Variants in GABRB1 observed in about 807,000 individuals in gnomAD.
GABRB1 encodes gamma-aminobutyric acid type A receptor subunit beta1, also known as gamma-aminobutyric acid receptor subunit beta-1.
In GABRB1, 17 loss-of-function variants were observed where a neutral mutation model predicts 51.6. The observed-to-expected ratio is 0.33, with a 90% CI of 0.23 to 0.49. The LOEUF is 0.49. Ranked by LOEUF, GABRB1 falls within the 20% of genes least tolerant of loss-of-function variation. The probability of loss-of-function intolerance (pLI) is 0.99; values close to 1 mark genes in which losing one functional copy is unlikely to be tolerated. For missense variants in GABRB1, 410 were observed against 600.6 expected (o/e 0.68, Z 3.32); for synonymous variants, 247 against 218.9 (o/e 1.13, Z -1.14).
At chr4:47,101,418 T>G (rs1038921431) in intron 3 of GABRB1, among the ~76,000 whole-genome samples, 31 of 152,070 alleles carry the variant, frequency 2.0e-4, no homozygotes, top group African/African-American at 7.0e-4. Context: ...GAGAGAAATT[T>G]TATTTAGAAG....
At position 47,279,855 on chromosome 4, in the gene GABRB1, T is replaced by C. The variant is rs369647922; in HGVS notation, c.462-40272T>C. On this transcript the variant is annotated intron_variant, in intron 4 of 8. Coordinates refer to ENST00000295454, the MANE Select transcript of GABRB1 (RefSeq NM_000812.4). ...CTGAATATAGTTTGGTCTTTTTTTT[T>C]TTTTAAATTCATTCAGTCACTCCTT... 1.1e-4 allele frequency among the ~76,000 whole-genome samples: 16 copies of C among 152,138 alleles called. No individual in the cohort carries two copies. In the South Asian group the frequency reaches 3.1e-3, roughly 30 times the overall value.
At chr4:47,360,669 T>A (rs772156650) in intron 5 of GABRB1, among the ~76,000 whole-genome samples, 11 of 152,120 alleles carry the variant, frequency 7.2e-5, no homozygotes, top group African/African-American at 9.7e-5. Flanking sequence ...ATGTAAAATC[T>A]CTATTATTAC....
intron 5 of GABRB1, among the ~76,000 whole-genome samples, chr4:47,326,984 C>A (rs55842104): frequency 0.15 from 23,336 of 152,070 alleles, 2,153 homozygotes; most frequent in Non-Finnish European, 0.21. Flanking sequence ...TAGTCTAGTA[C>A]CTGAAAATAA....
chr4:47,062,027 C>T (rs891145098), intron 3 of GABRB1, among the ~76,000 whole-genome samples: 2 of 152,104 alleles, frequency 1.3e-5, no homozygotes, highest in Non-Finnish European at 2.9e-5. Flanking sequence ...AAGCTTATTG[C>T]ATTATTTAGT....
chr4:47,240,010 G>A (rs1425484448), intron 4 of GABRB1, among the ~76,000 whole-genome samples: 1 of 152,188 alleles, frequency 6.6e-6, no homozygotes, highest in Non-Finnish European at 1.5e-5. Flanking sequence ...AGCAGCAGCA[G>A]CTCAGTTTCC....
chr4:47,146,229 A>T (rs1717164943), intron 3 of GABRB1, among the ~76,000 whole-genome samples: 1 of 152,084 alleles, frequency 6.6e-6, no homozygotes, highest in Admixed American at 6.6e-5. Context: ...AAGCAAGTCA[A>T]AAAGACAGGG....
intron 3 of GABRB1, among the ~76,000 whole-genome samples, chr4:47,077,105 C>T (rs1268343776): frequency 6.6e-6 from 1 of 152,148 alleles, no homozygotes; most frequent in Admixed American, 6.5e-5. Context: ...TTACTGCATG[C>T]CCCCAGCAAA....
At chr4:47,159,258 G>A (rs1013567781) in intron 3 of GABRB1, among the ~76,000 whole-genome samples, 2 of 151,986 alleles carry the variant, frequency 1.3e-5, no homozygotes, top group African/African-American at 4.8e-5. Flanking sequence ...CTCCAGCCAG[G>A]ATGGCCAAGT....
At chr4:47,227,793 G>T (rs1720999288) in intron 4 of GABRB1, among the ~76,000 whole-genome samples, 1 of 152,120 alleles carries the variant, frequency 6.6e-6, no homozygotes, top group South Asian at 2.1e-4. Flanking sequence ...ACATTAAGGT[G>T]TCAGCAGGTT....
intron 1 of GABRB1, among the ~76,000 whole-genome samples, chr4:47,019,226 A>G (rs780170254): frequency 3.3e-5 from 5 of 151,968 alleles, no homozygotes; most frequent in Non-Finnish European, 5.9e-5. Context: ...CTTTTCCTAG[A>G]TGCTTGGCTC....
intron 4 of GABRB1, among the ~76,000 whole-genome samples, chr4:47,258,676 G>T (rs148323970): frequency 6.6e-6 from 1 of 152,062 alleles, no homozygotes; most frequent in East Asian, 1.9e-4. Flanking sequence ...ATTTCCTACC[G>T]AATTACAATA....
chr4:47,018,003 A>G (rs1029665722), intron 1 of GABRB1, among the ~76,000 whole-genome samples: 13 of 152,002 alleles, frequency 8.6e-5, no homozygotes, highest in African/African-American at 2.7e-4. Context: ...CTGCTTTAAA[A>G]TAAGTTTTCT....
intron 3 of GABRB1, among the ~76,000 whole-genome samples, chr4:47,044,644 T>G (rs1169899030): frequency 2.0e-5 from 3 of 152,106 alleles, no homozygotes; most frequent in Non-Finnish European, 4.4e-5. Flanking sequence ...GCTGGTATTT[T>G]TTATTTCATA....
upstream of GABRB1, chr4:47,031,516 A>T: frequency 2.9e-6 from 2 of 692,404 alleles, no homozygotes; most frequent in Non-Finnish European, 5.1e-6. Context: ...ATTGTTTGCA[A>T]GGCACAAGGT....
At chr4:47,051,039 G>C (rs1188863177) in intron 3 of GABRB1, among the ~76,000 whole-genome samples, 1 of 152,092 alleles carries the variant, frequency 6.6e-6, no homozygotes, top group Non-Finnish European at 1.5e-5. Context: ...CAAGAAAAAT[G>C]CCATTAAAAC....
intron 4 of GABRB1, among the ~76,000 whole-genome samples, chr4:47,215,560 T>A (rs550907302): frequency 1.6e-4 from 25 of 151,980 alleles, no homozygotes; most frequent in African/African-American, 6.0e-4. Context: ...ATACCCTCAG[T>A]CAGTAAAAAA....
At chr4:47,116,411 G>A (rs915248770) in intron 3 of GABRB1, among the ~76,000 whole-genome samples, 2 of 152,158 alleles carry the variant, frequency 1.3e-5, no homozygotes, top group Non-Finnish European at 2.9e-5. Flanking sequence ...TGGCAAAGAT[G>A]TGTAAAAACC....
intron 4 of GABRB1, among the ~76,000 whole-genome samples, chr4:47,175,886 T>C (rs760053730): frequency 3.3e-5 from 5 of 152,154 alleles, no homozygotes; most frequent in Non-Finnish European, 7.4e-5. Flanking sequence ...GGCCACTTGT[T>C]TAAATATTCA....
At chr4:47,270,307 G>C (rs1470890938) in intron 4 of GABRB1, among the ~76,000 whole-genome samples, 2 of 152,130 alleles carry the variant, frequency 1.3e-5, no homozygotes, top group African/African-American at 4.8e-5. Context: ...CTGCCTATTA[G>C]TAAGTGAGTT....
Sources: allele counts gnomAD v4.1 joint callset (sites outside exome capture counted in the v4.1 genomes callset), GRCh38; gene constraint gnomAD v4.1.1; transcripts MANE v1.5; gene names NCBI Gene and HGNC (gene_info 2026-07-23, HGNC 2026-07-21).